Variants in CACNA1S observed in about 807,000 individuals in gnomAD.
The protein encoded by CACNA1S is calcium voltage-gated channel subunit alpha1 S.
In CACNA1S, 126 loss-of-function variants were observed where a neutral mutation model predicts 207.4. The observed-to-expected ratio is 0.61, with a 90% CI of 0.53 to 0.70. The LOEUF is 0.70. Among genes scored for constraint, CACNA1S ranks in the 30% least tolerant of loss-of-function variants. CACNA1S has a pLI of 0.00. For synonymous variants in CACNA1S, 960 were observed against 932.7 expected, an observed-to-expected ratio of 1.03 and a Z score of -0.53; for missense variants, 2,349 against 2,422.8, an observed-to-expected ratio of 0.97 and a Z score of 0.64.
chr1:201,042,395 C>T (rs1362861622), intron 40 of CACNA1S, among the ~76,000 whole-genome samples: 3 of 152,238 alleles, frequency 2.0e-5, no homozygotes, highest in African/African-American at 4.8e-5. Flanking sequence ...GCCTAGGCCT[C>T]CCAAAGTGCT....
chr1:201,069,776 C>T (rs553073267), intron 17 of CACNA1S, among the ~76,000 whole-genome samples, 175 bp from the exon 18 acceptor site: 7 of 152,158 alleles, frequency 4.6e-5, no homozygotes, highest in African/African-American at 1.4e-4. Context: ...GGGGCCCTGA[C>T]CTCTCACTCT....
At chr1:201,078,190 G>A in intron 10 of CACNA1S, 86 bp from the exon 11 acceptor site, 1 of 1,061,736 alleles carries the variant, frequency 9.4e-7, no homozygotes, top group East Asian at 2.4e-5. Flanking sequence ...CCTCAACCCA[G>A]GACGCCCCTT....
rs538625530 is a variant in CACNA1S at position 201,075,482 on chromosome 1, C to G, written c.1948+13G>C. 4.0e-5 allele frequency: 64 copies of G among 1,610,444 alleles called. 1 individual carries two copies. The African/African-American group carries it at 4.6e-4, about 11-fold the overall frequency. On this transcript the variant is annotated intron_variant, in intron 13 of 43. Transcript: ENST00000362061. ...CCTAAGCTCTTTTCTGCACCCTGCT[C>G]CCGAGAGGATACAGTTGCCACAGAC...
Position 201,072,735 on chromosome 1 carries a change from C to A in CACNA1S, c.2227+20G>T. On this transcript the variant is annotated intron_variant, in intron 16 of 43. Transcript: ENST00000362061. ...CTTCACCCCAGCACCCTGCTCCAGT[C>A]CAGTCTCCAGCATCCTCACCTGGGA... 6.2e-7 allele frequency: 1 copy of A among 1,603,670 alleles called. No homozygotes were observed. The highest frequency in any genetic ancestry group is 8.5e-7 in the Non-Finnish European group (1 of 1,170,640).
chr1:201,088,057 T>A (rs1050347369), intron 6 of CACNA1S, 128 bp from the exon 7 acceptor site: 21 of 715,372 alleles, frequency 2.9e-5, no homozygotes, highest in African/African-American at 2.4e-4. Flanking sequence ...TGAGGGGACA[T>A]TTTTCCTAAC....
intron 10 of CACNA1S, among the ~76,000 whole-genome samples, chr1:201,078,931 A>G (rs935461567): frequency 6.6e-5 from 10 of 151,636 alleles, no homozygotes; most frequent in African/African-American, 2.4e-4. Context: ...GACCAGCCTG[A>G]CCAACATGGT....
chr1:201,077,219 T>G (rs1489352865), intron 11 of CACNA1S, 92 bp from the exon 12 acceptor site: 4 of 1,084,324 alleles, frequency 3.7e-6, no homozygotes, highest in Non-Finnish European at 5.6e-6. Flanking sequence ...GACTCAGGAC[T>G]GATGTGACAC....
intron 8 of CACNA1S, among the ~76,000 whole-genome samples, 180 bp downstream of exon 8, chr1:201,085,256 T>C (rs534312959): frequency 1.6e-4 from 24 of 152,292 alleles, no homozygotes; most frequent in African/African-American, 5.8e-4. Flanking sequence ...AGCAAGTACC[T>C]TTGGGAAGAG....
At position 201,066,527 on chromosome 1, in the gene CACNA1S, T is replaced by C. The variant is rs182921383; in HGVS notation, c.2658-211A>G. Among the ~76,000 whole-genome samples, 5 of 151,794 alleles carry C rather than the reference T, an allele frequency of 3.3e-5. No homozygotes were observed. The East Asian group carries it at 9.7e-4, about 30-fold the overall frequency. ...GCTATCTGGACCATGCTCTCATGGG[T>C]GTGTCATGAAGCAGAAGACAGCCTT... is the stretch of plus-strand genomic sequence containing the variant. On this transcript the variant is annotated intron_variant, in intron 20 of 43. Coordinates refer to ENST00000362061, the MANE Select transcript of CACNA1S (RefSeq NM_000069.3). This position sits in a 1 kb window ranked among gnomAD's most constrained non-coding sequence, Gnocchi z 4.3.
In CACNA1S at chr1:201,058,449, C is replaced by T; in HGVS notation, c.3568G>A (p.Val1190Ile). ...ATGACATCAATGATGCTGCCAATGA[C>T]AATCAGGAAGTCAAACACATTCCAG... The part of the protein sequence containing the change: ...DPWNVFDFLI[V>I]IGSIIDVILS... The change falls in exon 28 of 44, where the codon GTC (valine) becomes ATC (isoleucine). Residue 1190 changes from valine (V) to isoleucine (I), a missense_variant. Transcript: ENST00000362061. 6.2e-7 allele frequency: 1 copy of T among 1,614,186 alleles called. No individual in the cohort carries two copies. Among genetic ancestry groups the T allele is most frequent in the Non-Finnish European group, 8.5e-7 (1 of 1,180,010 alleles).
At chr1:201,070,089 G>C (rs908907261) in intron 17 of CACNA1S, among the ~76,000 whole-genome samples, 183 bp downstream of exon 17, 13 of 152,180 alleles carry the variant, frequency 8.5e-5, no homozygotes, top group Admixed American at 6.5e-4. Flanking sequence ...AACTGATAAG[G>C]TTTAAAGCAT....
chr1:201,047,434 G>A (rs1051120929), intron 37 of CACNA1S, 91 bp downstream of exon 37: 21 of 1,295,320 alleles, frequency 1.6e-5, no homozygotes, highest in East Asian at 9.3e-5. Context: ...GATCTGGTCC[G>A]TTCTCAGATT....
In CACNA1S at chr1:201,072,861, A is replaced by G. The variant is rs1162616278; in HGVS notation, c.2158-37T>C. ...AACACAATGACTATAACAATGAAAA[A>G]GAAGTTGCGGTTTCCCCTCAATGAG... On this transcript the variant is annotated intron_variant, in intron 15 of 43. Transcript: ENST00000362061. 3 of 1,565,508 alleles carry G rather than the reference A, an allele frequency of 1.9e-6. No homozygotes were observed. The Admixed American group carries it at 5.0e-5, about 26-fold the overall frequency.
chr1:201,043,493 C>G lies in CACNA1S; in HGVS notation c.4836G>C (p.Leu1612=), dbSNP rs771399672. The change falls in exon 40 of 44, where the codon CTG becomes CTC. Residue 1612 remains leucine, a synonymous_variant. Coordinates refer to ENST00000362061, the MANE Select transcript of CACNA1S (RefSeq NM_000069.3). ...GGLFGQVDNF[L]ERTNSLPPVM... ...CGGGGGGCAGGGAGTTGGTCCTTTC[C>G]AGGAAGTTGTCCACCTGGCCAAACA... 1 of 1,613,910 alleles carries G rather than the reference C, an allele frequency of 6.2e-7. No homozygotes were observed. Among genetic ancestry groups the G allele is most frequent in the Non-Finnish European group, 8.5e-7 (1 of 1,179,986 alleles).
At position 201,093,987 on chromosome 1, in the gene CACNA1S, G is replaced by A. The variant is rs1310029541; in HGVS notation, c.293C>T (p.Ser98Leu). ...KLEYFFLIVF[S>L]IEAAMKIIAY... The stretch of plus-strand genomic sequence containing the variant: ...AATGATCTTCATGGCGGCTTCAATC[G>A]AGAAGACAATGAGGAAGAAATACTC... Residue 98 changes from serine (S) to leucine (L), a missense_variant, in exon 3 of 44, where the codon TCG (serine) becomes TTG (leucine). By Grantham distance (145) the Ser-to-Leu change is moderately radical (BLOSUM62 -2). Transcript: ENST00000362061. 4.3e-6 allele frequency: 7 copies of A among 1,614,076 alleles called. No homozygotes were observed. Among genetic ancestry groups the A allele is most frequent in the African/African-American group, 4.0e-5 (3 of 74,928 alleles).
At chr1:201,062,709 C>T (rs1351691578) in intron 22 of CACNA1S, among the ~76,000 whole-genome samples, 195 bp from the exon 23 acceptor site, 1 of 152,244 alleles carries the variant, frequency 6.6e-6, no homozygotes, top group Non-Finnish European at 1.5e-5. Context: ...CTCCTTTCTT[C>T]ACCATCGTTC....
chr1:201,060,669 G>T lies in CACNA1S; in HGVS notation c.3403C>A (p.Leu1135Ile), dbSNP rs747058250. The T allele has an allele frequency of 6.2e-7, 1 of 1,614,168 alleles. No homozygotes were observed. Among genetic ancestry groups the T allele is most frequent in the Non-Finnish European group, 8.5e-7 (1 of 1,180,034 alleles). ...TGGGGAGCCCTTACCTGCATGCCGA[G>T]GCAGATGGTGTTGAGCATGATGAGG... The part of the protein sequence containing the change: ...FALIMLNTIC[L>I]GMQHYNQSEQ... The change falls in exon 26 of 44, where the codon CTC becomes ATC. Residue 1135 changes from leucine to isoleucine, a missense_variant. Leu to Ile is a conservative substitution (Grantham distance 5). Coordinates refer to ENST00000362061, the MANE Select transcript of CACNA1S (RefSeq NM_000069.3).
intron 2 of CACNA1S, among the ~76,000 whole-genome samples, chr1:201,098,014 C>T (rs1042339115): frequency 6.6e-6 from 1 of 152,218 alleles, no homozygotes; most frequent in African/African-American, 2.4e-5. Flanking sequence ...TCCTGGCTCT[C>T]ACCCCCCAAC....
In CACNA1S at chr1:201,077,017, C is replaced by A; in HGVS notation, c.1730G>T (p.Gly577Val). 6.2e-7 allele frequency: 1 copy of A among 1,614,232 alleles called. No individual in the cohort carries two copies. The highest frequency in any genetic ancestry group is 8.5e-7 in the Non-Finnish European group (1 of 1,180,044). Residue 577 changes from glycine (G) to valine (V), a missense_variant, in exon 12 of 44, where the codon GGC becomes GTC. Physicochemically the swap from Gly to Val is moderately radical, Grantham distance 109. Coordinates refer to ENST00000362061, the MANE Select transcript of CACNA1S (RefSeq NM_000069.3). ...FLFIVIFALL[G>V]MQLFGGRYDF... Reference sequence around the variant, plus strand: ...ATACCTCCCCCCAAAGAGCTGCATGCCCAGGAGGGCGAAGATGACGATGAA... The same window carrying A: ...ATACCTCCCCCCAAAGAGCTGCATGACCAGGAGGGCGAAGATGACGATGAA...
Sources: allele counts gnomAD v4.1 joint callset (sites outside exome capture counted in the v4.1 genomes callset), GRCh38; gene constraint gnomAD v4.1.1; non-coding constraint Gnocchi (gnomAD v3.1); transcripts MANE v1.5; gene names NCBI Gene and HGNC (gene_info 2026-07-23, HGNC 2026-07-21).